Variants in GRID2 observed in about 807,000 individuals in gnomAD.
GRID2 encodes glutamate ionotropic receptor delta type subunit 2, also known as glutamate receptor ionotropic, delta-2.
GRID2 carries 33 observed loss-of-function variants against 114.8 expected under a neutral mutation model. The observed-to-expected ratio is 0.29, with a 90% CI of 0.22 to 0.38. The LOEUF (loss-of-function observed/expected upper bound fraction) is 0.38, where lower values mean the gene tolerates loss of function less well. Among genes scored for constraint, GRID2 ranks in the 10% least tolerant of loss-of-function variants. The pLI, the probability that GRID2 is intolerant of heterozygous loss-of-function variation, is 1.00. For missense variants in GRID2, 1,184 were observed against 1,257.7 expected, an observed-to-expected ratio of 0.94 and a Z score of 0.89; for synonymous variants, 505 against 449.9, an observed-to-expected ratio of 1.12 and a Z score of -1.55.
At chr4:93,792,959 C>T (rs1436269255) in intron 1 of GRID2, among the ~76,000 whole-genome samples, 1 of 152,172 alleles carries the variant, frequency 6.6e-6, no homozygotes, top group African/African-American at 2.4e-5. Context: ...TTTCCCACCT[C>T]TTCTAGTTAA....
intron 2 of GRID2, among the ~76,000 whole-genome samples, chr4:92,809,585 T>G (rs1460129893): frequency 6.6e-5 from 10 of 151,940 alleles, no homozygotes; most frequent in Non-Finnish European, 1.5e-4. Context: ...ATTGCAACAT[T>G]CCATTTCGCA....
At chr4:93,543,266 A>G (rs1040393697) in intron 13 of GRID2, among the ~76,000 whole-genome samples, 1 of 152,208 alleles carries the variant, frequency 6.6e-6, no homozygotes, top group Non-Finnish European at 1.5e-5. Flanking sequence ...TAGCTTTGGT[A>G]TAAGGGGAAA....
intron 2 of GRID2, among the ~76,000 whole-genome samples, chr4:93,080,771 C>T (rs531717114): frequency 6.6e-6 from 1 of 152,104 alleles, no homozygotes; most frequent in South Asian, 2.1e-4. Flanking sequence ...CCCTTCTGTG[C>T]TGCTATAACA....
At chr4:92,975,156 CAAAAAA>C (rs527770693) in intron 2 of GRID2, among the ~76,000 whole-genome samples, 1,816 of 46,714 alleles carry the variant, frequency 0.039, 85 homozygotes, top group Middle Eastern at 0.14. Flanking sequence ...GATTCCGCCT[CAAAAAA>C]AAAAAAAAAA....
intron 13 of GRID2, among the ~76,000 whole-genome samples, chr4:93,583,083 T>G (rs953409153): frequency 6.6e-6 from 1 of 152,172 alleles, no homozygotes; most frequent in Admixed American, 6.5e-5. Context: ...TGCCTCCATC[T>G]TTACATCATG....
intron 8 of GRID2, among the ~76,000 whole-genome samples, chr4:93,378,623 T>A (rs1449013755): frequency 2.0e-5 from 3 of 152,100 alleles, no homozygotes; most frequent in African/African-American, 7.2e-5. Flanking sequence ...TTTAAGTGGA[T>A]ATTTATTAAG....
intron 2 of GRID2, among the ~76,000 whole-genome samples, chr4:92,653,161 CTAA>C (rs1432200948): frequency 6.7e-6 from 1 of 150,266 alleles, no homozygotes; most frequent in African/African-American, 2.4e-5. Context: ...CCACACCCGG[CTAA>C]TTTTTTTGTA....
chr4:92,951,073 G>T (rs1751997406), intron 2 of GRID2, among the ~76,000 whole-genome samples: 1 of 152,000 alleles, frequency 6.6e-6, no homozygotes, highest in Non-Finnish European at 1.5e-5. Context: ...TTAGTTTTCT[G>T]ACATCTTTTT....
chr4:92,352,074 T>C (rs1728093805), intron 1 of GRID2, among the ~76,000 whole-genome samples: 1 of 151,902 alleles, frequency 6.6e-6, no homozygotes, highest in Admixed American at 6.6e-5. Context: ...ATGAGGAACC[T>C]CCACACTGTT....
intron 2 of GRID2, among the ~76,000 whole-genome samples, chr4:92,703,915 C>T (rs1283662869): frequency 1.3e-5 from 2 of 152,070 alleles, no homozygotes; most frequent in Non-Finnish European, 2.9e-5. Context: ...GACCATTCAC[C>T]ATTCAATGCC....
rs187895896 is a variant in GRID2, at chr4:92,747,409, T to G, written c.244+157123T>G. Among the ~76,000 whole-genome samples the G allele has an allele frequency of 9.8e-3, 1,493 of 152,180 alleles. 12 individuals are homozygous for G. Among genetic ancestry groups the G allele is most frequent in the Non-Finnish European group, 0.016 (1,099 of 67,954 alleles). ...CTAAAAGCTAAAAGCTTAAGGCATT[T>G]GCCTTAAATTTCAGAAGTAAAAGTA... On this transcript the variant is annotated intron_variant, in intron 2 of 15. Transcript: ENST00000282020.
intron 2 of GRID2, among the ~76,000 whole-genome samples, chr4:92,990,105 T>C (rs2149201911): frequency 6.6e-6 from 1 of 152,034 alleles, no homozygotes; most frequent in South Asian, 2.1e-4. Flanking sequence ...GGAAATAGGC[T>C]AAGTTCTTTA....
At chr4:92,663,637 A>G (rs942989779) in intron 2 of GRID2, among the ~76,000 whole-genome samples, 3 of 151,084 alleles carry the variant, frequency 2.0e-5, no homozygotes, top group Non-Finnish European at 3.0e-5. Flanking sequence ...TTATTTTGGT[A>G]AGTACAAATG....
chr4:93,437,137 A>G (rs1721166756), intron 10 of GRID2, among the ~76,000 whole-genome samples: 1 of 152,146 alleles, frequency 6.6e-6, no homozygotes, highest in South Asian at 2.1e-4. Context: ...CTGACCAAAT[A>G]ACAACTATAC....
Position 92,303,995 on chromosome 4 carries a change from G to A in GRID2, c.-662G>A, listed in dbSNP as rs770893556. 2.0e-5 allele frequency: 3 copies of A among 152,880 alleles called. No individual in the cohort carries two copies. Among genetic ancestry groups the A allele is most frequent in the Admixed American group, 6.5e-5 (1 of 15,292 alleles). 9.5% of individuals were successfully genotyped at this position (152,880 alleles called of 1,614,324 possible). A position where few individuals can be genotyped will look rare whatever the true frequency, so the allele number is the denominator to read the frequency against. On this transcript the variant is annotated 5_prime_UTR_variant, in exon 1 of 16. Coordinates refer to ENST00000282020, the MANE Select transcript of GRID2 (RefSeq NM_001510.4). ...CGGCTCCCCGGGCCCGCCTCGCCAA[G>A]CTGCGTTCCGCGCCTCACGCAGAAA...
At chr4:92,791,359 C>G (rs565504024) in intron 2 of GRID2, among the ~76,000 whole-genome samples, 2 of 151,742 alleles carry the variant, frequency 1.3e-5, no homozygotes, top group East Asian at 3.9e-4. Context: ...ATACCTTCCT[C>G]TTAGGGCTGA....
At chr4:92,618,400 T>C (rs1380806485) in intron 2 of GRID2, among the ~76,000 whole-genome samples, 1 of 151,806 alleles carries the variant, frequency 6.6e-6, no homozygotes, top group Non-Finnish European at 1.5e-5. Flanking sequence ...CCTGCTGTTT[T>C]GGTTACTACA....
intron 2 of GRID2, among the ~76,000 whole-genome samples, chr4:92,682,453 T>G (rs749248713): frequency 5.9e-5 from 9 of 152,130 alleles, no homozygotes; most frequent in Non-Finnish European, 8.8e-5. Context: ...GCGATTTTGA[T>G]CTACAGTAAG....
At chr4:93,402,572 G>A (rs553254597) in intron 9 of GRID2, among the ~76,000 whole-genome samples, 1 of 152,126 alleles carries the variant, frequency 6.6e-6, no homozygotes, top group African/African-American at 2.4e-5. Flanking sequence ...ACAAACAAAT[G>A]TAAACTGCAG....
Sources: gnomAD v4.1 joint callset for allele counts (sites outside exome capture counted in the v4.1 genomes callset) on GRCh38, gnomAD v4.1.1 for gene constraint, MANE v1.5 for transcripts, NCBI Gene and HGNC (gene_info 2026-07-23, HGNC 2026-07-21) for gene names.